The following STARD3NL variants were observed in gnomAD, a reference collection of about 807,000 sequenced individuals.
STARD3NL encodes STARD3 N-terminal like, also known as STARD3 N-terminal-like protein.
STARD3NL carries 17 observed loss-of-function variants against 30.9 expected under a neutral mutation model. That is an observed-to-expected ratio of 0.55 (90% CI 0.38 to 0.82). The LOEUF (loss-of-function observed/expected upper bound fraction) is 0.82. STARD3NL is among the 40% of genes least tolerant of loss of function. The pLI, the probability that STARD3NL is intolerant of heterozygous loss-of-function variation, is 0.00. For missense variants in STARD3NL, 234 were observed against 277.6 expected, an observed-to-expected ratio of 0.84 and a Z score of 1.12; for synonymous variants, 112 against 100.5, an observed-to-expected ratio of 1.11 and a Z score of -0.69.
chr7:38,203,454 G>C (rs541109992), intron 1 of STARD3NL, among the ~76,000 whole-genome samples: 1,882 of 152,266 alleles, frequency 0.012, 50 homozygotes, highest in African/African-American at 0.044. Flanking sequence ...CACCAGGCCT[G>C]CCCTACAAGA....
At chr7:38,229,638 G>C (rs961537812) in intron 8 of STARD3NL, among the ~76,000 whole-genome samples, 1 of 152,158 alleles carries the variant, frequency 6.6e-6, no homozygotes, top group Non-Finnish European at 1.5e-5. Flanking sequence ...CCAAGGTCAC[G>C]GCGCATGGAG....
intron 1 of STARD3NL, among the ~76,000 whole-genome samples, chr7:38,184,664 A>ATATAT (rs570869644): frequency 4.1e-5 from 6 of 146,040 alleles, no homozygotes; most frequent in African/African-American, 5.0e-5. Context: ...TATAGTATAT[A>ATATAT]ATATATACTA....
intron 1 of STARD3NL, among the ~76,000 whole-genome samples, chr7:38,197,136 T>C (rs75655179): frequency 0.029 from 3,259 of 112,370 alleles, 45 homozygotes; most frequent in South Asian, 0.039. Context: ...GCATTACCTT[T>C]TTTCTTTCTT....
At chr7:38,189,473 C>G (rs113117047) in intron 1 of STARD3NL, among the ~76,000 whole-genome samples, 41 of 152,242 alleles carry the variant, frequency 2.7e-4, no homozygotes, top group African/African-American at 9.6e-4. Context: ...TGTCTTTCCC[C>G]AGGGGTCCCT....
chr7:38,183,153 G>T (rs537874486), intron 1 of STARD3NL, among the ~76,000 whole-genome samples: 1 of 152,184 alleles, frequency 6.6e-6, no homozygotes, highest in Non-Finnish European at 1.5e-5. Flanking sequence ...CACAGAGGAC[G>T]TTAGACTTTT....
intron 1 of STARD3NL, among the ~76,000 whole-genome samples, chr7:38,197,193 TTTTTCTC>T (rs1784959778): frequency 2.0e-5 from 3 of 147,616 alleles, no homozygotes; most frequent in African/African-American, 7.5e-5. Flanking sequence ...TCTTTCTTTC[TTTTTCTC>T]TCTCTCTCTT....
chr7:38,193,788 A>G (rs142316893), intron 1 of STARD3NL, among the ~76,000 whole-genome samples: 29 of 152,266 alleles, frequency 1.9e-4, no homozygotes, highest in African/African-American at 5.5e-4. Flanking sequence ...TTGTTAATAT[A>G]TGATATACAA....
At chr7:38,181,805 A>G (rs1784259068) in intron 1 of STARD3NL, among the ~76,000 whole-genome samples, 1 of 152,088 alleles carries the variant, frequency 6.6e-6, no homozygotes, top group African/African-American at 2.4e-5. Context: ...TTTGACCACC[A>G]TCTTCTGCCA....
Position 38,217,233 on chromosome 7 carries a change from T to C in STARD3NL, c.481T>C (p.Phe161Leu). The C allele has an allele frequency of 6.2e-7, 1 of 1,614,084 alleles. No homozygotes were observed. Among genetic ancestry groups the C allele is most frequent in the Non-Finnish European group, 8.5e-7 (1 of 1,179,958 alleles). ...AFGYVLPIISFILAWIETWFL... is the reference protein window; with the variant it reads ...AFGYVLPIISLILAWIETWFL... The stretch of plus-strand genomic sequence containing the variant: ...TGGCTATGTGCTGCCCATCATTTCA[T>C]TCATCCTTGCCTGGATTGAGACGTG... The change falls in exon 6 of 9, where the codon TTC (phenylalanine) becomes CTC (leucine). Residue 161 changes from phenylalanine to leucine, a missense_variant. Transcript: ENST00000009041.
At chr7:38,182,211 C>G (rs774026303) in intron 1 of STARD3NL, among the ~76,000 whole-genome samples, 1 of 152,136 alleles carries the variant, frequency 6.6e-6, no homozygotes, top group Admixed American at 6.5e-5. Context: ...ATCATCTTAT[C>G]TTTGAGAGAC....
At chr7:38,223,252 A>T (rs1786569530) in intron 7 of STARD3NL, among the ~76,000 whole-genome samples, 1 of 152,168 alleles carries the variant, frequency 6.6e-6, no homozygotes, top group South Asian at 2.1e-4. Flanking sequence ...GGTTTATTAG[A>T]TATACTTGTA....
chr7:38,184,660 A>AGTG (rs201529501), intron 1 of STARD3NL, among the ~76,000 whole-genome samples: 2 of 146,468 alleles, frequency 1.4e-5, no homozygotes, highest in Non-Finnish European at 3.0e-5. Flanking sequence ...CCGATATAGT[A>AGTG]TATAATATAT....
chr7:38,217,374 T>G, intron 6 of STARD3NL, 69 bp downstream of exon 6: 3 of 1,478,146 alleles, frequency 2.0e-6, no homozygotes, highest in Admixed American at 3.4e-5. Flanking sequence ...AGATGTGGTT[T>G]CTTGGTGTGA....
chr7:38,200,337 C>T (rs1331019859), intron 1 of STARD3NL, among the ~76,000 whole-genome samples: 3 of 152,116 alleles, frequency 2.0e-5, no homozygotes, highest in African/African-American at 4.8e-5. Context: ...CCTGCTGTGT[C>T]GCTTCAAGGC....
intron 7 of STARD3NL, among the ~76,000 whole-genome samples, chr7:38,225,708 G>A (rs1208082978): frequency 6.6e-6 from 1 of 151,884 alleles, no homozygotes; most frequent in Non-Finnish European, 1.5e-5. Flanking sequence ...ATACTTATAT[G>A]ATTGATTTGA....
chr7:38,207,611 G>A lies in STARD3NL; in HGVS notation c.107G>A (p.Arg36Lys), dbSNP rs1407059177. Residue 36 changes from arginine (R) to lysine (K), a missense_variant, in exon 2 of 9, where the codon AGG becomes AAG. Arg to Lys is a conservative substitution (Grantham distance 26, BLOSUM62 2). Transcript: ENST00000009041. ...ATCAACCCCACACAACTCATGGCCA[G>A]GATTGAGTCCTATGAAGGAAGGGAA... is the stretch of plus-strand genomic sequence containing the variant. ...HSINPTQLMA[R>K]IESYEGREKK... is the part of the protein sequence containing the mutation. 6.2e-7 allele frequency: 1 copy of A among 1,613,926 alleles called. No homozygotes were observed. The highest frequency in any genetic ancestry group is 8.5e-7 in the Non-Finnish European group (1 of 1,179,962).
At chr7:38,191,050 T>G (rs1784667315) in intron 1 of STARD3NL, among the ~76,000 whole-genome samples, 1 of 152,180 alleles carries the variant, frequency 6.6e-6, no homozygotes, top group Non-Finnish European at 1.5e-5. Flanking sequence ...AAAAGCATAT[T>G]ATCCCCAATG....
At chr7:38,178,864 CA>C (rs796132304) in intron 1 of STARD3NL, among the ~76,000 whole-genome samples, 56 of 142,150 alleles carry the variant, frequency 3.9e-4, no homozygotes, top group South Asian at 4.5e-4. Context: ...AAGTCGTGTT[CA>C]AAAAAAAAAA....
chr7:38,216,774 C>T (rs1786144711), intron 4 of STARD3NL: 6 of 512,574 alleles, frequency 1.2e-5, no homozygotes, highest in Non-Finnish European at 1.7e-5. Flanking sequence ...TTACCTAGCA[C>T]ACCAGCCTGC....
Sources: allele counts gnomAD v4.1 joint callset (sites outside exome capture counted in the v4.1 genomes callset), GRCh38; gene constraint gnomAD v4.1.1; transcripts MANE v1.5; gene names NCBI Gene and HGNC (gene_info 2026-07-23, HGNC 2026-07-21).